HFM1: variants seen among roughly 807,000 people sequenced by gnomAD.
HFM1 encodes the protein probable ATP-dependent DNA helicase HFM1.
Under a neutral mutation model 192.1 loss-of-function variants are expected in HFM1, and 169 were observed. The observed-to-expected ratio is 0.88, with a 90% CI of 0.78 to 1.00. The LOEUF is 1.00. HFM1 is among the 50% of genes least tolerant of loss of function. The pLI is 0.00. For missense variants in HFM1, 1,661 were observed against 1,668.0 expected, an observed-to-expected ratio of 1.00 and a Z score of 0.07; for synonymous variants, 525 against 537.8, an observed-to-expected ratio of 0.98 and a Z score of 0.33.
At chr1:91,286,941 C>T (rs1014612764) in intron 30 of HFM1, among the ~76,000 whole-genome samples, 5 of 152,172 alleles carry the variant, frequency 3.3e-5, no homozygotes, top group South Asian at 2.1e-4. Flanking sequence ...CCGAATACTG[C>T]GCTTTTCCGA....
chr1:91,357,876 A>C (rs1657957644), intron 13 of HFM1, among the ~76,000 whole-genome samples: 1 of 152,216 alleles, frequency 6.6e-6, no homozygotes, highest in Non-Finnish European at 1.5e-5. Flanking sequence ...AATGCTTAGG[A>C]ATAAGTTTAA....
rs60708269 is a variant in HFM1 at position 91,383,376 on chromosome 1, A to G, written c.802+1811T>C. Among the ~76,000 whole-genome samples the G allele has an allele frequency of 8.0e-3, 1,226 of 152,312 alleles. 21 individuals carry two copies. Among genetic ancestry groups the G allele is most frequent in the African/African-American group, 0.028 (1,156 of 41,566 alleles). On this transcript the variant is annotated intron_variant, in intron 6 of 38. Coordinates refer to ENST00000370425, the MANE Select transcript of HFM1 (RefSeq NM_001017975.6). Reference sequence around the variant, plus strand: ...GTTTCCATCCTATTTTGATCACCACAGAAAAGAAAATGTGGCAGCATTGAG... The same window carrying G: ...GTTTCCATCCTATTTTGATCACCACGGAAAAGAAAATGTGGCAGCATTGAG...
intron 19 of HFM1, among the ~76,000 whole-genome samples, chr1:91,344,642 T>TA (rs1655864884): frequency 9.0e-6 from 1 of 110,560 alleles, no homozygotes; most frequent in Non-Finnish European, 1.8e-5. Context: ...AACATAAGGC[T>TA]AAGAACCTAT....
chr1:91,329,494 C>CAAGGAAGTTTAA, intron 20 of HFM1: 1 of 1,548,314 alleles, frequency 6.5e-7, no homozygotes, highest in African/African-American at 1.4e-5. Flanking sequence ...ACTGGGGCAG[C>CAAGGAAGTTTAA]AAGGAAGTTT....
intron 6 of HFM1, among the ~76,000 whole-genome samples, chr1:91,384,306 T>A (rs569446676): frequency 6.6e-6 from 1 of 152,278 alleles, no homozygotes; most frequent in African/African-American, 2.4e-5. Context: ...AACAGTCACA[T>A]AAACTGCTGG....
intron 18 of HFM1, among the ~76,000 whole-genome samples, chr1:91,349,458 T>C (rs1054645306): frequency 6.6e-6 from 1 of 152,178 alleles, no homozygotes; most frequent in African/African-American, 2.4e-5. Flanking sequence ...GTACTGCTGC[T>C]TCTGATTTAG....
intron 30 of HFM1, among the ~76,000 whole-genome samples, chr1:91,287,659 C>T (rs1168403612): frequency 1.1e-4 from 17 of 152,214 alleles, no homozygotes; most frequent in African/African-American, 2.9e-4. Flanking sequence ...CAAAGCTGGA[C>T]GGAGAATGAC....
intron 13 of HFM1, among the ~76,000 whole-genome samples, chr1:91,368,618 C>A (rs543026778): frequency 6.6e-6 from 1 of 152,270 alleles, no homozygotes; most frequent in Non-Finnish European, 1.5e-5. Flanking sequence ...TGGAAAGGAA[C>A]AACTGGTACC....
intron 13 of HFM1, among the ~76,000 whole-genome samples, chr1:91,369,686 G>A (rs910276420): frequency 3.9e-5 from 6 of 152,026 alleles, no homozygotes; most frequent in African/African-American, 1.4e-4. Context: ...AAGAACTAGG[G>A]AAGCAAGAGC....
intron 20 of HFM1, among the ~76,000 whole-genome samples, chr1:91,331,215 T>C (rs1570977897): frequency 6.6e-6 from 1 of 152,184 alleles, no homozygotes; most frequent in African/African-American, 2.4e-5. Context: ...AATAATCTTA[T>C]ATTTGGAAAA....
Position 91,350,771 on chromosome 1 carries a change from A to G in HFM1, c.2173T>C (p.Tyr725His), listed in dbSNP as rs781235178. 6.2e-6 allele frequency: 10 copies of G among 1,611,854 alleles called. No homozygotes were observed. Among genetic ancestry groups the G allele is most frequent in the Non-Finnish European group, 8.5e-6 (10 of 1,178,946 alleles). Residue 725 changes from tyrosine (Y) to histidine (H), a missense_variant, in exon 18 of 39, where the codon TAT becomes CAT. Physicochemically the swap from Tyr to His is moderately conservative, Grantham distance 83 (BLOSUM62 2). Coordinates refer to ENST00000370425, the MANE Select transcript of HFM1 (RefSeq NM_001017975.6). ...GATGGATTTTTCAAGGCTCTGATAT[A>G]AAGCAGAGTTGATCGTATCCATTCC... ...AVEWIRSTLLYIRALKNPSHY... is the reference protein window; with the variant it reads ...AVEWIRSTLLHIRALKNPSHY...
At chr1:91,372,725 A>C (rs1389838509) in intron 13 of HFM1, among the ~76,000 whole-genome samples, 1 of 152,160 alleles carries the variant, frequency 6.6e-6, no homozygotes, top group Non-Finnish European at 1.5e-5. Flanking sequence ...CCTAAAACTT[A>C]AAGTATAATA....
At chr1:91,395,851 C>CTT (rs1452773500) in intron 3 of HFM1, among the ~76,000 whole-genome samples, 8 of 139,660 alleles carry the variant, frequency 5.7e-5, no homozygotes, top group Non-Finnish European at 1.1e-4. Flanking sequence ...CAGTTTATTA[C>CTT]TTTTTTTTTT....
chr1:91,374,190 T>C (rs756976705), intron 13 of HFM1, among the ~76,000 whole-genome samples: 14 of 152,056 alleles, frequency 9.2e-5, no homozygotes, highest in Non-Finnish European at 1.0e-4. Flanking sequence ...CAGAGGCTAA[T>C]ACAGCTTGAC....
intron 11 of HFM1, among the ~76,000 whole-genome samples, chr1:91,375,999 T>C (rs1449053185): frequency 3.0e-4 from 2 of 6,774 alleles, no homozygotes; most frequent in East Asian, 3.9e-3. Flanking sequence ...TTCATAAGAA[T>C]CCAAAGAAAA....
chr1:91,386,227 A>G (rs1662204310), intron 4 of HFM1, among the ~76,000 whole-genome samples: 1 of 152,206 alleles, frequency 6.6e-6, no homozygotes, highest in African/African-American at 2.4e-5. Flanking sequence ...ATGGTCTCTT[A>G]GATCTCTCAC....
intron 13 of HFM1, among the ~76,000 whole-genome samples, chr1:91,370,047 T>C (rs1317395276): frequency 2.0e-5 from 3 of 150,468 alleles, no homozygotes; most frequent in South Asian, 2.1e-4. Context: ...CCAGGAGAAG[T>C]TGAATCTCTG....
intron 34 of HFM1, among the ~76,000 whole-genome samples, chr1:91,268,442 C>T (rs1222501202): frequency 6.6e-6 from 1 of 151,974 alleles, no homozygotes; most frequent in Non-Finnish European, 1.5e-5. Context: ...GAAAATTCCA[C>T]TTCTCTCATT....
chr1:91,404,591 C>T (rs567203295), intron 1 of HFM1: 3 of 263,022 alleles, frequency 1.1e-5, no homozygotes, highest in East Asian at 1.7e-4. Context: ...CGCTTTCTGA[C>T]TGGAAATGCG....
Sources: gnomAD v4.1 joint callset for allele counts (sites outside exome capture counted in the v4.1 genomes callset) on GRCh38, gnomAD v4.1.1 for gene constraint, MANE v1.5 for transcripts, NCBI Gene and HGNC (gene_info 2026-07-23, HGNC 2026-07-21) for gene names.